The following KCNK9 variants were observed in gnomAD, a reference collection of about 807,000 sequenced individuals.
KCNK9 encodes potassium two pore domain channel subfamily K member 9.
Under a neutral mutation model 10.8 loss-of-function variants are expected in KCNK9, and 1 was observed. The ratio of observed to expected loss-of-function variants is 0.09; its 90% confidence interval spans 0.03 to 0.44. The LOEUF (loss-of-function observed/expected upper bound fraction) is 0.44. Ranked by LOEUF, KCNK9 falls within the 20% of genes least tolerant of loss-of-function variation. The pLI, the probability that KCNK9 is intolerant of heterozygous loss-of-function variation, is 0.97. For synonymous variants in KCNK9, 231 were observed against 222.7 expected, an observed-to-expected ratio of 1.04 and a Z score of -0.33; for missense variants, 303 against 515.0, an observed-to-expected ratio of 0.59 and a Z score of 3.98.
At chr8:139,658,455 G>T (rs1381733853) in intron 1 of KCNK9, among the ~76,000 whole-genome samples, 1 of 152,186 alleles carries the variant, frequency 6.6e-6, no homozygotes. Flanking sequence ...GCGGGCCTCA[G>T]GCTACACGGG....
At chr8:139,622,206 G>A (rs1182578350) in intron 1 of KCNK9, among the ~76,000 whole-genome samples, 2 of 152,294 alleles carry the variant, frequency 1.3e-5, no homozygotes, top group East Asian at 3.9e-4. Flanking sequence ...GATGAACAGC[G>A]CTGAGGTTCA....
chr8:139,698,560 G>A (rs1011433488), intron 1 of KCNK9, among the ~76,000 whole-genome samples: 1 of 152,238 alleles, frequency 6.6e-6, no homozygotes, highest in African/African-American at 2.4e-5. Context: ...AGGGGTTGAA[G>A]CAGCCACTGG....
intron 2 of KCNK9, among the ~76,000 whole-genome samples, chr8:139,603,993 C>T (rs922160461): frequency 2.0e-5 from 3 of 152,206 alleles, no homozygotes; most frequent in African/African-American, 7.2e-5. Flanking sequence ...GTCCCACAGC[C>T]TCCCTGAGCT....
intron 2 of KCNK9, among the ~76,000 whole-genome samples, chr8:139,604,293 G>A (rs1332898698): frequency 6.6e-6 from 1 of 152,186 alleles, no homozygotes; most frequent in Non-Finnish European, 1.5e-5. Context: ...TGCTTCCCTG[G>A]GGGAGACACA....
intron 1 of KCNK9, 24 bp from the exon 2 acceptor site, chr8:139,619,123 CAG>C (rs1457446642): frequency 3.1e-6 from 5 of 1,612,736 alleles, no homozygotes; most frequent in East Asian, 4.5e-5. Context: ...ATGAGAAGAA[CAG>C]AGAGAGCAAG....
intron 1 of KCNK9, among the ~76,000 whole-genome samples, chr8:139,663,453 A>G (rs770029697): frequency 2.0e-5 from 3 of 151,954 alleles, no homozygotes; most frequent in Non-Finnish European, 2.9e-5. Context: ...CTTAGCCTCA[A>G]TCCCTGGCGC....
At chr8:139,616,281 G>C (rs574278696), downstream of KCNK9, 1 of 151,642 alleles carries the variant, frequency 6.6e-6, no homozygotes, top group East Asian at 1.9e-4. Flanking sequence ...TCTCATCCAA[G>C]AGGAAAAAAA....
chr8:139,701,099 T>C lies in KCNK9; in HGVS notation c.283+1611A>G, dbSNP rs532695458. Among the ~76,000 whole-genome samples the C allele has an allele frequency of 3.1e-4, 47 of 152,300 alleles. No individual in the cohort carries two copies. In the East Asian group the frequency reaches 8.3e-3, roughly 27 times the overall value. ...TCCAGCTCTCCAGCAAACAGGCCCC[T>C]GTCTCCCAGAATCACTGCCCTGTGC... On this transcript the variant is annotated intron_variant, in intron 1 of 1. Transcript: ENST00000520439.
chr8:139,700,877 C>A (rs1356160020), intron 1 of KCNK9, among the ~76,000 whole-genome samples: 1 of 152,190 alleles, frequency 6.6e-6, no homozygotes, highest in African/African-American at 2.4e-5. Flanking sequence ...TTGCTTTTAA[C>A]ACCAATCCTC....
chr8:139,696,648 G>A (rs1817058708), intron 1 of KCNK9, among the ~76,000 whole-genome samples: 1 of 152,162 alleles, frequency 6.6e-6, no homozygotes, highest in Non-Finnish European at 1.5e-5. Flanking sequence ...AGGGAAGGAG[G>A]GAGGGAAGAA....
intron 1 of KCNK9, among the ~76,000 whole-genome samples, chr8:139,662,343 G>A (rs1453688945): frequency 1.3e-5 from 2 of 152,198 alleles, no homozygotes; most frequent in Non-Finnish European, 2.9e-5. Flanking sequence ...GCTGGGTGTG[G>A]CCAGGATGGG....
intron 1 of KCNK9, among the ~76,000 whole-genome samples, chr8:139,690,589 T>C (rs998782817): frequency 2.0e-5 from 3 of 151,614 alleles, no homozygotes; most frequent in Non-Finnish European, 4.4e-5. Flanking sequence ...TGGGACCAGA[T>C]GCTTCTGAGT....
chr8:139,625,005 G>C (rs566523720), intron 1 of KCNK9, among the ~76,000 whole-genome samples: 291 of 152,266 alleles, frequency 1.9e-3, no homozygotes, highest in Non-Finnish European at 3.4e-3. Flanking sequence ...CTGTGAAATG[G>C]GGCAGATGAT....
intron 1 of KCNK9, among the ~76,000 whole-genome samples, chr8:139,660,449 AATAT>A (rs35118138): frequency 0.022 from 2,910 of 131,168 alleles, 87 homozygotes; most frequent in African/African-American, 0.082. Context: ...GCTAAAAAAA[AATAT>A]ATATATATAT....
intron 1 of KCNK9, among the ~76,000 whole-genome samples, chr8:139,645,581 G>A (rs1815651280): frequency 6.6e-6 from 1 of 152,120 alleles, no homozygotes; most frequent in Non-Finnish European, 1.5e-5. Context: ...CCCTGAGCCT[G>A]ACACAGGGCC....
At chr8:139,697,339 GTGGATGGTTGGA>G (rs768876737) in intron 1 of KCNK9, among the ~76,000 whole-genome samples, 1 of 141,180 alleles carries the variant, frequency 7.1e-6, no homozygotes, top group African/African-American at 2.6e-5. Context: ...GAATGGGTGA[GTGGATGGTTGGA>G]TGGATGGATG....
At chr8:139,672,747 G>T (rs567705716) in intron 1 of KCNK9, among the ~76,000 whole-genome samples, 1 of 152,204 alleles carries the variant, frequency 6.6e-6, no homozygotes, top group Non-Finnish European at 1.5e-5. Flanking sequence ...CCTCTCCAGA[G>T]ACAGGAGCCG....
chr8:139,694,544 G>A (rs7838397), intron 1 of KCNK9, among the ~76,000 whole-genome samples: 85,358 of 152,020 alleles, frequency 0.56, 24,020 homozygotes, highest in Admixed American at 0.62. Flanking sequence ...GAGAGGCCAC[G>A]GAGGAGCCCC....
At chr8:139,655,448 C>T (rs945841488) in intron 1 of KCNK9, among the ~76,000 whole-genome samples, 47 of 152,202 alleles carry the variant, frequency 3.1e-4, no homozygotes, top group African/African-American at 1.1e-3. Context: ...TTTTCTGGAG[C>T]GCTGAGGTGG....
Sources: allele counts gnomAD v4.1 joint callset (sites outside exome capture counted in the v4.1 genomes callset), GRCh38; gene constraint gnomAD v4.1.1; transcripts MANE v1.5; gene names NCBI Gene and HGNC (gene_info 2026-07-23, HGNC 2026-07-21).